CHPT1: variants seen among roughly 807,000 people sequenced by gnomAD.
CHPT1 encodes choline phosphotransferase 1, also known as cholinephosphotransferase 1.
Under a neutral mutation model 47.6 loss-of-function variants are expected in CHPT1, and 36 were observed. The ratio of observed to expected loss-of-function variants is 0.76; its 90% CI spans 0.58 to 1.00. CHPT1 has a LOEUF of 1.00. Among genes scored for constraint, CHPT1 ranks in the 50% least tolerant of loss-of-function variants. The pLI, the probability that CHPT1 is intolerant of heterozygous loss-of-function variation, is 0.00. For synonymous variants in CHPT1, 194 were observed against 186.3 expected (o/e 1.04, Z -0.33); for missense variants, 458 against 498.1 (o/e 0.92, Z 0.77).
intron 1 of CHPT1, 52 bp downstream of exon 1, chr12:101,698,186 C>A (rs1951493338): frequency 1.5e-6 from 2 of 1,368,248 alleles, no homozygotes; most frequent in South Asian, 1.6e-5. Flanking sequence ...GCGGGCGGGT[C>A]GCTGGAGGCG....
intron 4 of CHPT1, among the ~76,000 whole-genome samples, chr12:101,718,151 G>T (rs546075400): frequency 1.1e-4 from 17 of 152,304 alleles, no homozygotes; most frequent in African/African-American, 4.1e-4. Flanking sequence ...GAAGCACAGA[G>T]AATTTTTAGG....
At chr12:101,726,486 C>T in intron 8 of CHPT1, 82 bp downstream of exon 8, 2 of 1,563,334 alleles carry the variant, frequency 1.3e-6, no homozygotes, top group Non-Finnish European at 1.7e-6. Context: ...AGGAAATCCC[C>T]CTGTGCAGGA....
chr12:101,703,928 T>A (rs916652042), intron 1 of CHPT1, among the ~76,000 whole-genome samples: 10 of 152,192 alleles, frequency 6.6e-5, no homozygotes, highest in African/African-American at 2.2e-4. Flanking sequence ...ATCTTAAGAG[T>A]CACCTGTCTG....
At position 101,709,251 on chromosome 12, in the gene CHPT1, A is replaced by G. The variant is rs182815416; in HGVS notation, c.274-4839A>G. On this transcript the variant is annotated intron_variant, in intron 1 of 8. Transcript: ENST00000229266. ...TCTCTACAAAAAATTTAAAAAATTA[A>G]CCAGGCATGGTGGTGCACACCTGTA... Among the ~76,000 whole-genome samples the G allele has an allele frequency of 3.6e-3, 534 of 147,432 alleles. 41 individuals are homozygous for G. The highest frequency in any genetic ancestry group is 2.7e-3 in the Non-Finnish European group (178 of 65,898).
rs1428811570 is a variant in CHPT1 at position 101,716,738 on chromosome 12, A to G, written c.574A>G (p.Thr192Ala). The change falls in exon 4 of 9, where the codon ACT becomes GCT. Residue 192 changes from threonine to alanine, a missense_variant. Thr to Ala is a moderately conservative substitution (Grantham distance 58). Transcript: ENST00000229266. ...GTCCTTCCTCTTTAGAGTGGATGTA[A>G]CTGAAATTCAGATAGCTTTAGTGAT... ...GMLRFGKVDV[T>A]EIQIALVIVF... 4.4e-6 allele frequency: 7 copies of G among 1,604,678 alleles called. No homozygotes were observed. The highest frequency in any genetic ancestry group is 5.1e-6 in the Non-Finnish European group (6 of 1,175,650).
intron 6 of CHPT1, 22 bp downstream of exon 6, chr12:101,723,348 TG>T: frequency 1.4e-6 from 2 of 1,394,062 alleles, no homozygotes; most frequent in Non-Finnish European, 2.0e-6. Context: ...TTATTATTCA[TG>T]ATATAAATAA....
At chr12:101,718,898 C>G (rs1951805193) in intron 4 of CHPT1, among the ~76,000 whole-genome samples, 1 of 151,750 alleles carries the variant, frequency 6.6e-6, no homozygotes, top group Non-Finnish European at 1.5e-5. Flanking sequence ...AGTAACTGTT[C>G]AGGTTGTGCC....
In CHPT1 at chr12:101,708,757, T is replaced by C. The variant is rs1222639394; in HGVS notation, c.274-5333T>C. Among the ~76,000 whole-genome samples the C allele has an allele frequency of 3.4e-5, 5 of 148,138 alleles. 1 individual carries two copies. Among genetic ancestry groups the C allele is most frequent in the Non-Finnish European group, 7.6e-5 (5 of 66,212 alleles). ...GATTACAGGAGTATGCCACCACAGCTGGCTAATTTTTGGATTTTTAATAGA... is the reference window on the plus strand; with the variant it reads ...GATTACAGGAGTATGCCACCACAGCCGGCTAATTTTTGGATTTTTAATAGA... On this transcript the variant is annotated intron_variant, in intron 1 of 8. Transcript: ENST00000229266.
In CHPT1 at chr12:101,726,127, G is replaced by T. The variant is rs189260280; in HGVS notation, c.1066-167G>T. Among the ~76,000 whole-genome samples, 386 of 152,196 alleles carry T rather than the reference G, an allele frequency of 2.5e-3. 1 individual carries two copies. The highest frequency in any genetic ancestry group is 9.0e-3 in the African/African-American group (373 of 41,542). ...GTGAAATAACCTGCATTTTCCAGAGGACTACAGTGAGGTCCAAATTTGAAA... is the reference window on the plus strand; with the variant it reads ...GTGAAATAACCTGCATTTTCCAGAGTACTACAGTGAGGTCCAAATTTGAAA... On this transcript the variant is annotated intron_variant, in intron 7 of 8. Transcript: ENST00000229266.
At chr12:101,722,069 A>G (rs1268566373) in intron 5 of CHPT1, among the ~76,000 whole-genome samples, 2 of 152,186 alleles carry the variant, frequency 1.3e-5, no homozygotes, top group South Asian at 2.1e-4. Flanking sequence ...AAAAAAAAAA[A>G]AGAATATTTT....
intron 4 of CHPT1, chr12:101,719,791 A>C (rs75819331): frequency 4.4e-6 from 1 of 225,062 alleles, no homozygotes; most frequent in Non-Finnish European, 8.7e-6. Flanking sequence ...AAGCAGTTTC[A>C]AAAAAAAGTC....
chr12:101,716,628 CA>C, intron 3 of CHPT1, 99 bp from the exon 4 acceptor site: 1 of 656,498 alleles, frequency 1.5e-6, no homozygotes, highest in East Asian at 2.8e-5. Flanking sequence ...ACTAAGCCTA[CA>C]GAGATTTTTA....
At position 101,715,563 on chromosome 12, in the gene CHPT1, G is replaced by A. The variant is rs540717700; in HGVS notation, c.563+918G>A. ...CTTATTTATTCCTTACATTTATCCC[G>A]TAAGGTGGGTATTACCTCCATCTAA... On this transcript the variant is annotated intron_variant, in intron 3 of 8. Transcript: ENST00000229266. Among the ~76,000 whole-genome samples, 12 of 151,680 alleles carry A rather than the reference G, an allele frequency of 7.9e-5. No homozygotes were observed. In the South Asian group the frequency reaches 1.9e-3, roughly 24 times the overall value.
At chr12:101,719,156 GAAAAA>G (rs779382436) in intron 4 of CHPT1, among the ~76,000 whole-genome samples, 1 of 95,074 alleles carries the variant, frequency 1.1e-5, no homozygotes, top group Non-Finnish European at 2.1e-5. Context: ...CTCGTCTCAA[GAAAAA>G]AAAAAAAAAA....
chr12:101,703,758 A>G (rs1459475026), intron 1 of CHPT1, among the ~76,000 whole-genome samples: 13 of 152,192 alleles, frequency 8.5e-5, no homozygotes, highest in Admixed American at 6.5e-5. Flanking sequence ...CATCTTAGGC[A>G]CTTATTGGGT....
chr12:101,710,214 C>T (rs1011578359), intron 1 of CHPT1, among the ~76,000 whole-genome samples: 3 of 148,432 alleles, frequency 2.0e-5, no homozygotes, highest in Non-Finnish European at 4.5e-5. Context: ...GGTGTGGTGG[C>T]GTGCGCCTGT....
chr12:101,728,717 G>A (rs2137039007), intron 8 of CHPT1, 184 bp from the exon 9 acceptor site: 1 of 621,870 alleles, frequency 1.6e-6, no homozygotes, highest in Non-Finnish European at 2.7e-6. Flanking sequence ...CTAAAGAGCT[G>A]AAAGCTTAAT....
intron 1 of CHPT1, among the ~76,000 whole-genome samples, chr12:101,698,864 G>A (rs892616217): frequency 2.7e-4 from 41 of 152,144 alleles, no homozygotes; most frequent in Non-Finnish European, 2.8e-4. Flanking sequence ...GAGTGTGGAG[G>A]GATAGGGGGC....
intron 1 of CHPT1, among the ~76,000 whole-genome samples, chr12:101,706,724 A>C (rs1333050507): frequency 6.6e-6 from 1 of 152,226 alleles, no homozygotes; most frequent in East Asian, 1.9e-4. Flanking sequence ...ATGGAATTAC[A>C]CAACTCTTAT....
Sources: gnomAD v4.1 joint callset for allele counts (sites outside exome capture counted in the v4.1 genomes callset) on GRCh38, gnomAD v4.1.1 for gene constraint, MANE v1.5 for transcripts, NCBI Gene and HGNC (gene_info 2026-07-23, HGNC 2026-07-21) for gene names.